Variants in PLCG1 observed in about 807,000 individuals in gnomAD.
The protein encoded by PLCG1 is phospholipase C gamma 1.
PLCG1 carries 71 observed loss-of-function variants against 177.8 expected under a neutral mutation model. The ratio of observed to expected loss-of-function variants is 0.40; its 90% confidence interval spans 0.33 to 0.49. The LOEUF is 0.49. Ranked by LOEUF, PLCG1 falls within the 20% of genes least tolerant of loss-of-function variation. The probability of loss-of-function intolerance (pLI) is 0.72; values close to 1 mark genes in which losing one functional copy is unlikely to be tolerated. For synonymous variants in PLCG1, 658 were observed against 647.9 expected (o/e 1.02, Z -0.24); for missense variants, 1,281 against 1,709.0 (o/e 0.75, Z 4.42).
At position 41,176,887 on chromosome 20, in the gene PLCG1, C is replaced by A. The variant is rs1266382211; in HGVS notation, c.*2378C>A. Reference sequence around the variant, plus strand: ...AGTTGTTTGCCCCATCCCATGCATGCAGGCCGTGTCCCTACAGTGCGACAG... The same window carrying A: ...AGTTGTTTGCCCCATCCCATGCATGAAGGCCGTGTCCCTACAGTGCGACAG... On this transcript the variant is annotated 3_prime_UTR_variant, in exon 32 of 32. Transcript: ENST00000685551. The A allele has an allele frequency of 1.3e-5, 2 of 152,270 alleles. No individual in the cohort carries two copies. The highest frequency in any genetic ancestry group is 2.9e-5 in the Non-Finnish European group (2 of 68,072). The allele number at this position is 152,270 out of a possible 1,614,324, so 9.4% of individuals were successfully genotyped here. A position where few individuals can be genotyped will look rare whatever the true frequency, so the allele number is the denominator to read the frequency against.
chr20:41,154,505 C>A (rs1341620557), intron 1 of PLCG1, among the ~76,000 whole-genome samples: 1 of 152,194 alleles, frequency 6.6e-6, no homozygotes, highest in African/African-American at 2.4e-5. Flanking sequence ...GCCGGGGCAA[C>A]AGGAATACTG....
At position 41,160,033 on chromosome 20, in the gene PLCG1, T is replaced by G; in HGVS notation, c.464+70T>G. ...CCAGGGGGACAGGGACAGCAGACCT[T>G]TGTGTGCCCAGACATCTCCCAGGCC... On this transcript the variant is annotated intron_variant, in intron 3 of 31. Coordinates refer to ENST00000685551, the MANE Select transcript of PLCG1 (RefSeq NM_002660.3). The surrounding 1 kb of genome is among the most constrained non-coding windows in gnomAD (Gnocchi z 5.5). 1.9e-6 allele frequency: 3 copies of G among 1,600,196 alleles called. No individual in the cohort carries two copies. Among genetic ancestry groups the G allele is most frequent in the Non-Finnish European group, 2.6e-6 (3 of 1,167,396 alleles).
At chr20:41,155,312 G>T (rs1037863772) in intron 1 of PLCG1, among the ~76,000 whole-genome samples, 2 of 152,204 alleles carry the variant, frequency 1.3e-5, no homozygotes, top group African/African-American at 4.8e-5. Context: ...GTGGATATCT[G>T]TGAGGTAGTG....
Position 41,159,551 on chromosome 20 carries a change from G to A in PLCG1, c.218-55G>A, listed in dbSNP as rs34939369. ...GAGGAAACCAGGCTGCCCTCCTTTC[G>A]GTGTTGACTCTGGGAGACCCCAGCT... On this transcript the variant is annotated intron_variant, in intron 1 of 31. Coordinates refer to ENST00000685551, the MANE Select transcript of PLCG1 (RefSeq NM_002660.3). The surrounding 1 kb of genome is among the most constrained non-coding windows in gnomAD (Gnocchi z 6.0). The A allele has an allele frequency of 2.9e-4, 454 of 1,587,266 alleles. No individual in the cohort carries two copies. The African/African-American group carries it at 5.3e-3, about 19-fold the overall frequency.
In PLCG1 at chr20:41,146,642, G is replaced by T. The variant is rs370372298; in HGVS notation, c.217+8784G>T. 3.5e-4 allele frequency among the ~76,000 whole-genome samples: 54 copies of T among 152,344 alleles called. 1 individual carries two copies. In the East Asian group the frequency reaches 4.8e-3, roughly 14 times the overall value. ...GGCACAGGTGGGGAGTTCACTTTGG[G>T]GTTGGCTTCCTGTTTTCTTGGACAC... is the stretch of plus-strand genomic sequence containing the variant. On this transcript the variant is annotated intron_variant, in intron 1 of 31. Coordinates refer to ENST00000685551, the MANE Select transcript of PLCG1 (RefSeq NM_002660.3). The surrounding 1 kb of genome is among the most constrained non-coding windows in gnomAD (Gnocchi z 6.3).
Position 41,159,203 on chromosome 20 carries a change from C to T in PLCG1, c.218-403C>T, listed in dbSNP as rs1245295121. Among the ~76,000 whole-genome samples the T allele has an allele frequency of 6.6e-6, 1 of 152,194 alleles. No individual in the cohort carries two copies. Among genetic ancestry groups the T allele is most frequent in the Non-Finnish European group, 1.5e-5 (1 of 68,030 alleles). On this transcript the variant is annotated intron_variant, in intron 1 of 31. Coordinates refer to ENST00000685551, the MANE Select transcript of PLCG1 (RefSeq NM_002660.3). The surrounding 1 kb of genome is among the most constrained non-coding windows in gnomAD (Gnocchi z 6.0). ...CAGGGATCCTGAGGCCCATCTTGAC[C>T]TACCCAGCCCTGCCTCTGGGACTTT...
intron 1 of PLCG1, among the ~76,000 whole-genome samples, chr20:41,142,005 C>T (rs538125860): frequency 2.6e-5 from 4 of 152,212 alleles, no homozygotes; most frequent in Non-Finnish European, 4.4e-5. Flanking sequence ...TATTATTATA[C>T]CTCCCCATTT....
Position 41,163,085 on chromosome 20 carries a change from A to G in PLCG1, c.716+93A>G. ...GATCCAGGTGGGAGGCAGTGGGAGT[A>G]GGGAACCATGCTGGACCATTCTGGG... On this transcript the variant is annotated intron_variant, in intron 7 of 31. Coordinates refer to ENST00000685551, the MANE Select transcript of PLCG1 (RefSeq NM_002660.3). This position sits in a 1 kb window ranked among gnomAD's most constrained non-coding sequence, Gnocchi z 5.2. 6.6e-7 allele frequency: 1 copy of G among 1,513,962 alleles called. No homozygotes were observed. Among genetic ancestry groups the G allele is most frequent in the Non-Finnish European group, 9.2e-7 (1 of 1,089,398 alleles). 93.8% of individuals were successfully genotyped at this position (1,513,962 alleles called of 1,614,324 possible).
In PLCG1 at chr20:41,150,047, C is replaced by CT. The variant is rs1265387591; in HGVS notation, c.218-9558dup. Among the ~76,000 whole-genome samples, 1 of 152,126 alleles carries CT rather than the reference C, an allele frequency of 6.6e-6. No homozygotes were observed. Among genetic ancestry groups the CT allele is most frequent in the Non-Finnish European group, 1.5e-5 (1 of 68,024 alleles). ...CATCTCTGCAAAAAATATAATCAGC[C>CT]TGGCGTTGTGGTTTGCCTGTAGTCC... On this transcript the variant is annotated intron_variant, in intron 1 of 31. Transcript: ENST00000685551. The surrounding 1 kb of genome is among the most constrained non-coding windows in gnomAD (Gnocchi z 4.0).
rs893573905 is a variant in PLCG1, at chr20:41,175,202, A to G, written c.*693A>G. The G allele has an allele frequency of 1.3e-5, 2 of 151,536 alleles. No homozygotes were observed. The highest frequency in any genetic ancestry group is 3.0e-5 in the Non-Finnish European group (2 of 67,796). The allele number at this position is 151,536 out of a possible 1,614,324, so 9.4% of individuals were successfully genotyped here. ...AAGTTATTTACTCCTCCTGCTCCTC[A>G]CCCCTGTAGGGAAACCTTGGAGAGG... On this transcript the variant is annotated 3_prime_UTR_variant, in exon 32 of 32. Coordinates refer to ENST00000685551, the MANE Select transcript of PLCG1 (RefSeq NM_002660.3).
chr20:41,172,293 AGGGCCAG>A lies in PLCG1; in HGVS notation c.2905+7_2905+13del. On this transcript the variant is annotated splice_donor_5th_base_variant and intron_variant, in intron 25 of 31. Transcript: ENST00000685551. The surrounding 1 kb of genome is among the most constrained non-coding windows in gnomAD (Gnocchi z 7.0). ...CCTGTTCCCTTTGATGAAGAGAGTA[AGGGCCAG>A]GGCCCAGGCGGGGTGTGCATGTGCC... 1 of 1,610,916 alleles carries A rather than the reference AGGGCCAG, an allele frequency of 6.2e-7. No homozygotes were observed. Among genetic ancestry groups the A allele is most frequent in the Non-Finnish European group, 8.5e-7 (1 of 1,177,030 alleles).
chr20:41,164,312 T>C lies in PLCG1; in HGVS notation c.1217+111T>C. The C allele has an allele frequency of 8.9e-7, 1 of 1,127,154 alleles. No individual in the cohort carries two copies. The highest frequency in any genetic ancestry group is 1.9e-5 in the Admixed American group (1 of 51,948). The allele number at this position is 1,127,154 out of a possible 1,614,324, so 69.8% of individuals were successfully genotyped here. ...ATGCCCTGTCCCCTCTCCCTCAGCCTTTCATCTTTGTCCTTCCTCTTGGCC... is the reference window on the plus strand; with the variant it reads ...ATGCCCTGTCCCCTCTCCCTCAGCCCTTCATCTTTGTCCTTCCTCTTGGCC... On this transcript the variant is annotated intron_variant, in intron 12 of 31. Transcript: ENST00000685551. This position sits in a 1 kb window ranked among gnomAD's most constrained non-coding sequence, Gnocchi z 6.4.
In PLCG1 at chr20:41,160,161, C is replaced by T. The variant is rs1318608935; in HGVS notation, c.512+8C>T. ...TCGGAATCGTGAGGATCGGTAAGTACTGAGCTGTGGCTGTAGCCCAGCAGG... is the reference window on the plus strand; with the variant it reads ...TCGGAATCGTGAGGATCGGTAAGTATTGAGCTGTGGCTGTAGCCCAGCAGG... On this transcript the variant is annotated splice_region_variant and intron_variant, in intron 4 of 31. Transcript: ENST00000685551. The surrounding 1 kb of genome is among the most constrained non-coding windows in gnomAD (Gnocchi z 5.5). 1 of 1,613,408 alleles carries T rather than the reference C, an allele frequency of 6.2e-7. No individual in the cohort carries two copies. The highest frequency in any genetic ancestry group is 1.1e-5 in the South Asian group (1 of 91,062).
chr20:41,164,716 G>A lies in PLCG1; in HGVS notation c.1218-217G>A, dbSNP rs1350205899. Among the ~76,000 whole-genome samples the A allele has an allele frequency of 6.6e-6, 1 of 152,118 alleles. No homozygotes were observed. Among genetic ancestry groups the A allele is most frequent in the Non-Finnish European group, 1.5e-5 (1 of 68,032 alleles). On this transcript the variant is annotated intron_variant, in intron 12 of 31. Transcript: ENST00000685551. The surrounding 1 kb of genome is among the most constrained non-coding windows in gnomAD (Gnocchi z 6.4). ...GCAGCCTCCATAATTGGGCCAGCTC[G>A]GGACTGCATCAGTTGCCACCCTTTG...
Position 41,162,556 on chromosome 20 carries a change from G to A in PLCG1, c.597+20G>A. The stretch of plus-strand genomic sequence containing the variant: ...CTGACGGTAAGTGCCACCCAGGGCT[G>A]TCTGTAGATGGGGGCAGGGGAAGCC... On this transcript the variant is annotated intron_variant, in intron 5 of 31. Coordinates refer to ENST00000685551, the MANE Select transcript of PLCG1 (RefSeq NM_002660.3). 1.2e-6 allele frequency: 2 copies of A among 1,612,374 alleles called. No individual in the cohort carries two copies. The highest frequency in any genetic ancestry group is 1.7e-6 in the Non-Finnish European group (2 of 1,178,602).
Position 41,165,841 on chromosome 20 carries a change from G to T in PLCG1, c.1799+15G>T. ...CTCTCTTTCTGGTAACACTTCCCATGCAGATGCGTATGTTCAGTCAGCGTG... is the reference window on the plus strand; with the variant it reads ...CTCTCTTTCTGGTAACACTTCCCATTCAGATGCGTATGTTCAGTCAGCGTG... On this transcript the variant is annotated intron_variant, in intron 16 of 31. Coordinates refer to ENST00000685551, the MANE Select transcript of PLCG1 (RefSeq NM_002660.3). The surrounding 1 kb of genome is among the most constrained non-coding windows in gnomAD (Gnocchi z 6.6). 6.4e-7 allele frequency: 1 copy of T among 1,557,980 alleles called. No homozygotes were observed. Among genetic ancestry groups the T allele is most frequent in the Non-Finnish European group, 8.7e-7 (1 of 1,146,040 alleles).
rs2034988913 is a variant in PLCG1 at position 41,146,144 on chromosome 20, G to T, written c.217+8286G>T. 6.6e-6 allele frequency among the ~76,000 whole-genome samples: 1 copy of T among 152,234 alleles called. No homozygotes were observed. Among genetic ancestry groups the T allele is most frequent in the Non-Finnish European group, 1.5e-5 (1 of 68,038 alleles). ...AGACTCAGGATGCAGAGTAAACGGG[G>T]CAGGGCGTTCTCCTACAGAAGACTG... On this transcript the variant is annotated intron_variant, in intron 1 of 31. Coordinates refer to ENST00000685551, the MANE Select transcript of PLCG1 (RefSeq NM_002660.3). The surrounding 1 kb of genome is among the most constrained non-coding windows in gnomAD (Gnocchi z 6.3).
intron 1 of PLCG1, among the ~76,000 whole-genome samples, chr20:41,155,974 T>G (rs1467476805): frequency 6.6e-6 from 1 of 152,034 alleles, no homozygotes; most frequent in Admixed American, 6.5e-5. Flanking sequence ...AGGGAAAGCT[T>G]CTTGAAAGAG....
In PLCG1 at chr20:41,156,821, T is replaced by C. The variant is rs2035336241; in HGVS notation, c.218-2785T>C. On this transcript the variant is annotated intron_variant, in intron 1 of 31. Coordinates refer to ENST00000685551, the MANE Select transcript of PLCG1 (RefSeq NM_002660.3). The surrounding 1 kb of genome is among the most constrained non-coding windows in gnomAD (Gnocchi z 5.0). ...GACTGTGCCAGACTGGATCATTCGC[T>C]CTGTCACCTGCCACCAGGGCAGAGG... Among the ~76,000 whole-genome samples, 1 of 152,236 alleles carries C rather than the reference T, an allele frequency of 6.6e-6. No homozygotes were observed. Among genetic ancestry groups the C allele is most frequent in the Non-Finnish European group, 1.5e-5 (1 of 68,044 alleles).
Sources: allele counts gnomAD v4.1 joint callset (sites outside exome capture counted in the v4.1 genomes callset), GRCh38; gene constraint gnomAD v4.1.1; non-coding constraint Gnocchi (gnomAD v3.1); transcripts MANE v1.5; gene names NCBI Gene and HGNC (gene_info 2026-07-23, HGNC 2026-07-21).